The following PRKD1 variants were observed in gnomAD, a reference collection of about 807,000 sequenced individuals.
The protein encoded by PRKD1 is protein kinase D1.
Under a neutral mutation model 95.9 loss-of-function variants are expected in PRKD1, and 63 were observed. The ratio of observed to expected loss-of-function variants is 0.66; its 90% CI spans 0.54 to 0.81. PRKD1 has a LOEUF of 0.81. Ranked by LOEUF, PRKD1 falls within the 30% of genes least tolerant of loss-of-function variation. The probability of loss-of-function intolerance (pLI) is 0.00; values close to 1 mark genes in which losing one functional copy is unlikely to be tolerated. For synonymous variants in PRKD1, 425 were observed against 423.1 expected (o/e 1.00, Z -0.05); for missense variants, 1,048 against 1,165.3 (o/e 0.90, Z 1.47).
At position 29,770,952 on chromosome 14, in the gene PRKD1, GGAAAGAAA is replaced by G. The variant is rs958711254; in HGVS notation, c.265-45286_265-45279del. On this transcript the variant is annotated intron_variant, in intron 1 of 17. Transcript: ENST00000331968. ...GTCCAAAAAAAAAAAAAAAAAAAAA[GGAAAGAAA>G]GAAAGAAAGAGAAAAGAAGAAAATT... is the stretch of plus-strand genomic sequence containing the variant. Among the ~76,000 whole-genome samples the G allele has an allele frequency of 6.5e-3, 870 of 133,162 alleles. 5 individuals carry two copies. The highest frequency in any genetic ancestry group is 0.023 in the African/African-American group (808 of 34,460). 87.4% of individuals were successfully genotyped at this position (133,162 alleles called of 152,430 possible).
rs2273806 is a variant in PRKD1, at chr14:29,638,611, T to G, written c.908-45A>C. On this transcript the variant is annotated intron_variant, in intron 5 of 17. Coordinates refer to ENST00000331968, the MANE Select transcript of PRKD1 (RefSeq NM_002742.3). ...AACAAAACAAAATGAGAATTTGTCA[T>G]AAAGAAAAGTGGTAACCAGAAAATA... 10,250 of 1,613,056 alleles carry G rather than the reference T, an allele frequency of 6.4e-3. 327 individuals carry two copies. In the African/African-American group the frequency reaches 0.088, roughly 14 times the overall value.
intron 4 of PRKD1, among the ~76,000 whole-genome samples, chr14:29,650,696 A>G (rs1718416722): frequency 6.6e-6 from 1 of 152,244 alleles, no homozygotes; most frequent in Admixed American, 6.5e-5. Flanking sequence ...TGCAGGAATC[A>G]GGCTTACAGA....
At chr14:29,865,935 A>G (rs1892884381) in intron 1 of PRKD1, among the ~76,000 whole-genome samples, 1 of 152,196 alleles carries the variant, frequency 6.6e-6, no homozygotes, top group South Asian at 2.1e-4. Context: ...ATAATAATTG[A>G]CAATTCAGGT....
At chr14:29,876,755 C>G (rs772650482) in intron 1 of PRKD1, among the ~76,000 whole-genome samples, 1 of 151,600 alleles carries the variant, frequency 6.6e-6, no homozygotes. Context: ...AATCAAAAAC[C>G]AGGCAAAGGA....
chr14:29,741,530 G>A (rs1886979648), intron 1 of PRKD1, among the ~76,000 whole-genome samples: 1 of 152,068 alleles, frequency 6.6e-6, no homozygotes, highest in Non-Finnish European at 1.5e-5. Flanking sequence ...CTTTATATAT[G>A]TTCGTTGTTG....
At chr14:29,886,096 G>A (rs887416596) in intron 1 of PRKD1, among the ~76,000 whole-genome samples, 8 of 152,174 alleles carry the variant, frequency 5.3e-5, no homozygotes, top group Non-Finnish European at 8.8e-5. Flanking sequence ...GCAGTGATAC[G>A]TGTCCAGGAG....
intron 12 of PRKD1, among the ~76,000 whole-genome samples, chr14:29,624,860 T>C (rs561561808): frequency 2.6e-5 from 4 of 152,318 alleles, no homozygotes; most frequent in Admixed American, 6.5e-5. Context: ...CCTTTATGTA[T>C]ATTACACCTC....
At chr14:29,686,096 T>C (rs1018476068) in intron 2 of PRKD1, among the ~76,000 whole-genome samples, 1 of 152,234 alleles carries the variant, frequency 6.6e-6, no homozygotes, top group African/African-American at 2.4e-5. Context: ...CTTTCTTTAA[T>C]AGTTTTGTGA....
At chr14:29,655,499 C>A (rs1457772406) in intron 4 of PRKD1, among the ~76,000 whole-genome samples, 1 of 152,024 alleles carries the variant, frequency 6.6e-6, no homozygotes, top group Non-Finnish European at 1.5e-5. Flanking sequence ...TTTATAGTCC[C>A]ATGAGGGAAA....
At chr14:29,649,286 G>C (rs1881337553) in intron 4 of PRKD1, among the ~76,000 whole-genome samples, 1 of 152,112 alleles carries the variant, frequency 6.6e-6, no homozygotes. Context: ...TTGGTAAAGG[G>C]GGATAAATTG....
chr14:29,893,709 C>T (rs1329836351), intron 1 of PRKD1, among the ~76,000 whole-genome samples: 1 of 152,132 alleles, frequency 6.6e-6, no homozygotes, highest in Non-Finnish European at 1.5e-5. Context: ...TTATGAATGT[C>T]GGTTTCTAGG....
chr14:29,927,658 G>GGGGA lies in PRKD1; in HGVS notation c.-150_-147dup, dbSNP rs1448746980. 4.1e-6 allele frequency: 2 copies of GGGGA among 489,888 alleles called. No homozygotes were observed. Among genetic ancestry groups the GGGGA allele is most frequent in the Non-Finnish European group, 5.5e-6 (2 of 360,636 alleles). 30.3% of individuals were successfully genotyped at this position (489,888 alleles called of 1,614,324 possible). On this transcript the variant is annotated 5_prime_UTR_variant, in exon 1 of 18. Coordinates refer to ENST00000331968, the MANE Select transcript of PRKD1 (RefSeq NM_002742.3). ...ACTTTCCGGAAAAGTCCCTGGGCTG[G>GGGGA]GGGAGGGCAAGGGGATGAGGATCGG... is the stretch of plus-strand genomic sequence containing the variant.
chr14:29,629,274 C>A (rs981292517), intron 10 of PRKD1, among the ~76,000 whole-genome samples, 181 bp from the exon 11 acceptor site: 3 of 152,162 alleles, frequency 2.0e-5, no homozygotes, highest in African/African-American at 7.2e-5. Flanking sequence ...ACATATTCAA[C>A]ATACTTGTTT....
At chr14:29,587,352 T>C (rs1892970980) in intron 16 of PRKD1, among the ~76,000 whole-genome samples, 1 of 152,210 alleles carries the variant, frequency 6.6e-6, no homozygotes, top group African/African-American at 2.4e-5. Flanking sequence ...TATTATTCTT[T>C]GTTGTTATGG....
intron 1 of PRKD1, among the ~76,000 whole-genome samples, chr14:29,802,471 A>G (rs1296919744): frequency 6.6e-6 from 1 of 152,268 alleles, no homozygotes; most frequent in East Asian, 1.9e-4. Flanking sequence ...TGGATTAGAT[A>G]GATCTAAATG....
At chr14:29,656,408 A>G in intron 4 of PRKD1, 2 of 1,402,392 alleles carry the variant, frequency 1.4e-6, no homozygotes, top group South Asian at 2.5e-5. Context: ...GTCTGATGTC[A>G]GCGTAATATG....
At chr14:29,740,965 G>A (rs1405285370) in intron 1 of PRKD1, among the ~76,000 whole-genome samples, 2 of 152,192 alleles carry the variant, frequency 1.3e-5, no homozygotes, top group Non-Finnish European at 2.9e-5. Flanking sequence ...GACCATGGAT[G>A]GAGCTGCAGG....
chr14:29,672,722 T>C (rs563239263), intron 2 of PRKD1, among the ~76,000 whole-genome samples: 1 of 152,212 alleles, frequency 6.6e-6, no homozygotes, highest in African/African-American at 2.4e-5. Flanking sequence ...ATATTCTAGG[T>C]CACAGAAATC....
intron 1 of PRKD1, among the ~76,000 whole-genome samples, chr14:29,880,137 G>A (rs560636850): frequency 6.6e-6 from 1 of 152,290 alleles, no homozygotes; most frequent in Admixed American, 6.5e-5. Flanking sequence ...TGGGGAAAAT[G>A]TCTCCAGGCC....
Sources: allele counts gnomAD v4.1 joint callset (sites outside exome capture counted in the v4.1 genomes callset), GRCh38; gene constraint gnomAD v4.1.1; transcripts MANE v1.5; gene names NCBI Gene and HGNC (gene_info 2026-07-23, HGNC 2026-07-21).